The following COL28A1 variants were observed in gnomAD, a reference collection of about 807,000 sequenced individuals.
COL28A1 encodes the protein collagen type XXVIII alpha 1 chain.
COL28A1 carries 161 observed loss-of-function variants against 150.2 expected under a neutral mutation model. The observed-to-expected ratio is 1.07, with a 90% CI of 0.94 to 1.22. COL28A1 has a LOEUF of 1.22. Ranked by LOEUF, COL28A1 falls within the 50% of genes most tolerant of loss-of-function variation. COL28A1 has a pLI of 0.00. For synonymous variants in COL28A1, 552 were observed against 469.7 expected (o/e 1.18, Z -2.26); for missense variants, 1,617 against 1,388.3 (o/e 1.16, Z -2.62).
At chr7:7,389,727 G>C (rs1782418712) in intron 27 of COL28A1, among the ~76,000 whole-genome samples, 1 of 152,120 alleles carries the variant, frequency 6.6e-6, no homozygotes, top group Non-Finnish European at 1.5e-5. Context: ...CTTGTAAGTT[G>C]TATTCCTAGG....
chr7:7,528,070 T>G (rs1782128898), intron 3 of COL28A1, among the ~76,000 whole-genome samples: 1 of 152,202 alleles, frequency 6.6e-6, no homozygotes. Flanking sequence ...GATATAGACA[T>G]CATCACATTG....
intron 27 of COL28A1, among the ~76,000 whole-genome samples, chr7:7,382,250 C>T (rs966573763): frequency 6.6e-6 from 1 of 150,732 alleles, no homozygotes; most frequent in Admixed American, 6.6e-5. Flanking sequence ...GCAGAGGTTG[C>T]AATAAGCTGA....
At chr7:7,460,687 A>T (rs976371635) in intron 15 of COL28A1, among the ~76,000 whole-genome samples, 2 of 152,188 alleles carry the variant, frequency 1.3e-5, no homozygotes, top group Non-Finnish European at 2.9e-5. Context: ...CGGCCAAGTC[A>T]ATGTTTTTAA....
intron 33 of COL28A1, among the ~76,000 whole-genome samples, chr7:7,364,488 G>C (rs1056097033): frequency 1.2e-4 from 18 of 152,146 alleles, no homozygotes; most frequent in Non-Finnish European, 1.9e-4. Context: ...ACCATCTGCT[G>C]CTGTAGAAAG....
chr7:7,355,123 A>C (rs186028203), downstream of COL28A1, among the ~76,000 whole-genome samples: 1 of 152,218 alleles, frequency 6.6e-6, no homozygotes, highest in East Asian at 1.9e-4. Flanking sequence ...GTAAAAAGAC[A>C]AACTATGAAG....
intron 15 of COL28A1, among the ~76,000 whole-genome samples, chr7:7,460,041 A>G (rs1056208655): frequency 2.6e-5 from 4 of 152,214 alleles, no homozygotes; most frequent in South Asian, 4.1e-4. Context: ...TAAATACTCA[A>G]TCCTAAACTT....
intron 27 of COL28A1, among the ~76,000 whole-genome samples, chr7:7,384,606 G>A (rs1027585034): frequency 3.3e-5 from 5 of 152,196 alleles, no homozygotes; most frequent in African/African-American, 1.2e-4. Context: ...TTATAGGTAT[G>A]TGTATATAGA....
intron 4 of COL28A1, 175 bp from the exon 5 acceptor site, chr7:7,522,136 C>A (rs2115202976): frequency 1.5e-6 from 1 of 667,628 alleles, no homozygotes; most frequent in Non-Finnish European, 2.7e-6. Context: ...TTTTACCTTG[C>A]ACATTTATGG....
chr7:7,429,478 G>T (rs1176822189), intron 25 of COL28A1, among the ~76,000 whole-genome samples: 3 of 150,968 alleles, frequency 2.0e-5, no homozygotes, highest in Non-Finnish European at 4.4e-5. Flanking sequence ...GTGTGTGGGG[G>T]GGGGGATGGT....
intron 3 of COL28A1, among the ~76,000 whole-genome samples, chr7:7,529,190 A>AAGGCAGGAGAATCGCT (rs1270993256): frequency 6.6e-6 from 1 of 151,374 alleles, no homozygotes; most frequent in Non-Finnish European, 1.5e-5. Flanking sequence ...TTGAGAAACT[A>AAGGCAGGAGAATCGCT]AGGCAGGAGA....
chr7:7,541,880 T>C, the COL28A1 span, among the ~76,000 whole-genome samples: 1 of 151,872 alleles, frequency 6.6e-6, no homozygotes, highest in East Asian at 1.9e-4. Flanking sequence ...AACAGATAGA[T>C]GCAGTCACTT....
chr7:7,358,849 T>G, intron 34 of COL28A1, 44 bp from the exon 35 acceptor site: 1 of 1,479,564 alleles, frequency 6.8e-7, no homozygotes, highest in Non-Finnish European at 9.2e-7. Context: ...TTTCTTATAC[T>G]GAAGACATGA....
intron 15 of COL28A1, among the ~76,000 whole-genome samples, chr7:7,470,836 T>C (rs1193096550): frequency 1.5e-5 from 2 of 129,046 alleles, no homozygotes; most frequent in Non-Finnish European, 3.1e-5. Flanking sequence ...TTGGAAACCA[T>C]CATTCTCAGT....
At chr7:7,514,795 C>T (rs1781330740) in intron 8 of COL28A1, among the ~76,000 whole-genome samples, 1 of 152,180 alleles carries the variant, frequency 6.6e-6, no homozygotes, top group Non-Finnish European at 1.5e-5. Flanking sequence ...AGAGCATGAG[C>T]ACACACGTGA....
chr7:7,362,335 C>G (rs1206317790), intron 33 of COL28A1, among the ~76,000 whole-genome samples: 1 of 138,084 alleles, frequency 7.2e-6, no homozygotes, highest in Non-Finnish European at 1.6e-5. Context: ...GTTATTTATC[C>G]TTGCAAGAGT....
chr7:7,451,330 G>T (rs1405757056), intron 18 of COL28A1, among the ~76,000 whole-genome samples: 2 of 151,820 alleles, frequency 1.3e-5, no homozygotes, highest in Non-Finnish European at 2.9e-5. Flanking sequence ...AGTTCAAGTG[G>T]TTCTCCCGCC....
chr7:7,367,279 G>C (rs1453214792), intron 33 of COL28A1, among the ~76,000 whole-genome samples: 6 of 152,176 alleles, frequency 3.9e-5, no homozygotes, highest in African/African-American at 1.2e-4. Flanking sequence ...AACAAAATTG[G>C]CTAGCGAAAC....
rs532935203 is a variant in COL28A1 at position 7,490,572 on chromosome 7, C to G, written c.1095+6G>C. 2 of 1,188,434 alleles carry G rather than the reference C, an allele frequency of 1.7e-6. No homozygotes were observed. Among genetic ancestry groups the G allele is most frequent in the Admixed American group, 3.4e-5 (2 of 58,806 alleles). The allele number at this position is 1,188,434 out of a possible 1,614,324, so 73.6% of individuals were successfully genotyped here. A position where few individuals can be genotyped will look rare whatever the true frequency, so the allele number is the denominator to read the frequency against. The stretch of plus-strand genomic sequence containing the variant: ...CATCAGTGGGCAAAAAGACAAGTAT[C>G]TTTACCTTAATACCTTGCTGTCCAA... On this transcript the variant is annotated splice_donor_region_variant and intron_variant, in intron 12 of 34. Coordinates refer to ENST00000399429, the MANE Select transcript of COL28A1 (RefSeq NM_001037763.3).
chr7:7,501,666 G>C (rs1780532742), intron 11 of COL28A1, among the ~76,000 whole-genome samples: 1 of 152,136 alleles, frequency 6.6e-6, no homozygotes, highest in Non-Finnish European at 1.5e-5. Flanking sequence ...CCAATCATAA[G>C]CCATTCTTCC....
Sources: allele counts gnomAD v4.1 joint callset (sites outside exome capture counted in the v4.1 genomes callset), GRCh38; gene constraint gnomAD v4.1.1; transcripts MANE v1.5; gene names NCBI Gene and HGNC (gene_info 2026-07-23, HGNC 2026-07-21).